Variants in CEACAM21 observed in about 807,000 individuals in gnomAD.
The protein encoded by CEACAM21 is cell adhesion molecule CEACAM21.
A neutral mutation model predicts 33.2 loss-of-function variants in CEACAM21; 38 were observed. The observed-to-expected ratio is 1.14, with a 90% CI of 0.88 to 1.50. The LOEUF (loss-of-function observed/expected upper bound fraction) is 1.50, where lower values mean the gene tolerates loss of function less well. CEACAM21 is among the 40% of genes most tolerant of loss of function. The pLI, the probability that CEACAM21 is intolerant of heterozygous loss-of-function variation, is 0.00. For missense variants in CEACAM21, 385 were observed against 364.6 expected, an observed-to-expected ratio of 1.06 and a Z score of -0.46; for synonymous variants, 156 against 143.0, an observed-to-expected ratio of 1.09 and a Z score of -0.65.
intron 1 of CEACAM21, among the ~76,000 whole-genome samples, chr19:41,559,900 GA>G (rs1452652850): frequency 6.6e-6 from 1 of 152,230 alleles, no homozygotes; most frequent in Non-Finnish European, 1.5e-5. Context: ...ATTGAGATCG[GA>G]AGTTAGAGGC....
exon 1 of CEACAM21, chr19:41,549,523 A>G (rs1555783773): frequency 6.6e-6 from 1 of 152,224 alleles, no homozygotes; most frequent in East Asian, 1.9e-4. Context: ...GAGTCAGAGC[A>G]GAACTTGGAC....
At chr19:41,580,557 A>G (rs2122260105) in intron 3 of CEACAM21, among the ~76,000 whole-genome samples, 1 of 152,284 alleles carries the variant, frequency 6.6e-6, no homozygotes, top group South Asian at 2.1e-4. Context: ...AACAGCTCTC[A>G]GGACTCAGGG....
Position 41,577,152 on chromosome 19 carries a change from T to C in CEACAM21, c.65-48T>C, listed in dbSNP as rs2043008221. 3.1e-6 allele frequency: 5 copies of C among 1,611,262 alleles called. No homozygotes were observed. The East Asian group carries it at 1.1e-4, about 36-fold the overall frequency. On this transcript the variant is annotated intron_variant, in intron 1 of 6. Transcript: ENST00000401445. ...CTGCACCCAGGACCCCGTCTTTCCA[T>C]GCCAATGCATAGGTCAAATATTGAC...
chr19:41,556,582 T>G (rs953538675), intron 1 of CEACAM21, among the ~76,000 whole-genome samples: 3 of 152,226 alleles, frequency 2.0e-5, no homozygotes, highest in African/African-American at 7.2e-5. Flanking sequence ...CGATTTCCAC[T>G]CTTTAAACTT....
intron 5 of CEACAM21, 115 bp from the exon 6 acceptor site, chr19:41,585,725 C>T: frequency 8.3e-7 from 1 of 1,206,124 alleles, no homozygotes; most frequent in Non-Finnish European, 1.2e-6. Context: ...CCTAAAATAA[C>T]CTGAGAAAGG....
Position 41,554,199 on chromosome 19 carries a change from C to T in CEACAM21, c.-779+4647C>T, listed in dbSNP as rs144432813. ...GAACATTTTAGCTCTCCAAGTGTCCCGAACATTTTTCCTCTCTTCTGATGT... is the reference window on the plus strand; with the variant it reads ...GAACATTTTAGCTCTCCAAGTGTCCTGAACATTTTTCCTCTCTTCTGATGT... On this transcript the variant is annotated intron_variant, in intron 1 of 7. Transcript: ENST00000407170. Among the ~76,000 whole-genome samples, 10 of 152,044 alleles carry T rather than the reference C, an allele frequency of 6.6e-5. No homozygotes were observed. In the East Asian group the frequency reaches 1.7e-3, roughly 26 times the overall value.
At chr19:41,555,100 G>A (rs1555785232) in intron 1 of CEACAM21, 1 of 151,970 alleles carries the variant, frequency 6.6e-6, no homozygotes, top group African/African-American at 2.4e-5. Flanking sequence ...CTAACCACAA[G>A]TGAGTATTTC....
chr19:41,559,317 A>G (rs2041728196), intron 1 of CEACAM21, among the ~76,000 whole-genome samples: 2 of 152,214 alleles, frequency 1.3e-5, no homozygotes, highest in Non-Finnish European at 2.9e-5. Flanking sequence ...TTCAAATAAA[A>G]CATCATGGAT....
At chr19:41,575,343 A>C (rs2042870161), upstream of CEACAM21, among the ~76,000 whole-genome samples, 1 of 152,200 alleles carries the variant, frequency 6.6e-6, no homozygotes, top group African/African-American at 2.4e-5. Context: ...CATTTATCTT[A>C]TGTATTATAC....
chr19:41,578,020 T>G (rs1365839624), intron 2 of CEACAM21, among the ~76,000 whole-genome samples: 2 of 152,134 alleles, frequency 1.3e-5, no homozygotes, highest in African/African-American at 4.8e-5. Context: ...TGGGCAGGGC[T>G]GATTGTGAGC....
At position 41,576,286 on chromosome 19, in the gene CEACAM21, C is replaced by T. The variant is rs1555790997; in HGVS notation, c.12C>T (p.Pro4=). 14 of 1,613,692 alleles carry T rather than the reference C, an allele frequency of 8.7e-6. No homozygotes were observed. Among genetic ancestry groups the T allele is most frequent in the Non-Finnish European group, 1.2e-5 (14 of 1,179,728 alleles). The change falls in exon 1 of 7, where the codon CCC becomes CCT. Residue 4 remains proline, a synonymous_variant. Transcript: ENST00000401445. The stretch of plus-strand genomic sequence containing the variant: ...AGGCAGCAGAGACCATGGGGCCCCC[C>T]TCAGCTTGTCCCCACAGAGAATGCA... MGP[P]SACPHRECIP...
At chr19:41,566,051 A>G (rs1313936795) in intron 2 of CEACAM21, among the ~76,000 whole-genome samples, 3 of 152,106 alleles carry the variant, frequency 2.0e-5, no homozygotes, top group African/African-American at 7.2e-5. Context: ...GTTCCCAGGA[A>G]TTAAAATTGT....
At chr19:41,563,682 G>T (rs550443723) in intron 1 of CEACAM21, among the ~76,000 whole-genome samples, 4 of 152,372 alleles carry the variant, frequency 2.6e-5, no homozygotes, top group Non-Finnish European at 5.9e-5. Context: ...GAGAAAACTC[G>T]GACCCAGAAG....
chr19:41,581,813 C>T lies in CEACAM21; in HGVS notation c.700+2185C>T, dbSNP rs117868655. Among the ~76,000 whole-genome samples the T allele has an allele frequency of 4.6e-5, 7 of 152,298 alleles. No individual in the cohort carries two copies. In the East Asian group the frequency reaches 9.6e-4, roughly 21 times the overall value. On this transcript the variant is annotated intron_variant, in intron 3 of 6. Coordinates refer to ENST00000401445, the MANE Select transcript of CEACAM21 (RefSeq NM_001098506.4). ...CTCCCACTGGGTCCTTCCCCCAACA[C>T]GTGGGGATTATTAAAATTCAAGGTG...
At chr19:41,560,495 T>C (rs1292139979) in intron 1 of CEACAM21, among the ~76,000 whole-genome samples, 4 of 152,176 alleles carry the variant, frequency 2.6e-5, no homozygotes, top group African/African-American at 9.7e-5. Context: ...TTAGCTCTTA[T>C]TGTGAGGCTA....
chr19:41,567,767 T>C (rs1555788618), intron 2 of CEACAM21, among the ~76,000 whole-genome samples: 2 of 152,204 alleles, frequency 1.3e-5, no homozygotes, highest in African/African-American at 2.4e-5. Context: ...ATGGCAAAGT[T>C]TGGTCTAAGA....
At chr19:41,585,774 C>T in intron 5 of CEACAM21, 66 bp from the exon 6 acceptor site, 1 of 1,519,376 alleles carries the variant, frequency 6.6e-7, no homozygotes, top group South Asian at 1.2e-5. Context: ...AGGACCCCCA[C>T]ACACTCTTGC....
intron 1 of CEACAM21, chr19:41,551,341 T>C (rs2041184457): frequency 6.6e-6 from 1 of 152,126 alleles, no homozygotes; most frequent in Non-Finnish European, 1.5e-5. Context: ...GTATTTTTAG[T>C]AGAGTCGAGG....
At chr19:41,561,762 G>A (rs1555786881) in intron 1 of CEACAM21, among the ~76,000 whole-genome samples, 1 of 152,166 alleles carries the variant, frequency 6.6e-6, no homozygotes, top group African/African-American at 2.4e-5. Context: ...CACATGCATA[G>A]AAACTTTATA....
Sources: allele counts gnomAD v4.1 joint callset (sites outside exome capture counted in the v4.1 genomes callset), GRCh38; gene constraint gnomAD v4.1.1; transcripts MANE v1.5; gene names NCBI Gene and HGNC (gene_info 2026-07-23, HGNC 2026-07-21).